EIF4E2: variants seen among roughly 807,000 people sequenced by gnomAD.
EIF4E2 encodes the protein eukaryotic translation initiation factor 4E family member 2.
Under a neutral mutation model 34.2 loss-of-function variants are expected in EIF4E2, and 13 were observed. The observed-to-expected ratio is 0.38, with a 90% CI of 0.25 to 0.60. EIF4E2 has a LOEUF of 0.60. EIF4E2 is among the 20% of genes least tolerant of loss of function. EIF4E2 has a pLI of 0.62. For missense variants in EIF4E2, 222 were observed against 315.1 expected (o/e 0.70, Z 2.24); for synonymous variants, 100 against 106.6 (o/e 0.94, Z 0.38).
chr2:232,580,415 C>G (rs1216146419), intron 6 of EIF4E2, among the ~76,000 whole-genome samples: 2 of 152,190 alleles, frequency 1.3e-5, no homozygotes. Context: ...CCTTCCACCT[C>G]CACTGCCCCA....
intron 6 of EIF4E2, among the ~76,000 whole-genome samples, chr2:232,576,256 A>G (rs1693216390): frequency 6.6e-6 from 1 of 152,134 alleles, no homozygotes; most frequent in African/African-American, 2.4e-5. Flanking sequence ...AGGTTTTGTC[A>G]TAGTTTAATG....
At chr2:232,558,126 T>G (rs1034892639) in intron 3 of EIF4E2, 108 bp downstream of exon 3, 2 of 1,446,614 alleles carry the variant, frequency 1.4e-6, no homozygotes, top group Non-Finnish European at 1.9e-6. Flanking sequence ...TCTGGTTTTC[T>G]TAATTGACTG....
Position 232,581,195 on chromosome 2 carries a change from G to T in EIF4E2, c.*252G>T, listed in dbSNP as rs1379351452. On this transcript the variant is annotated 3_prime_UTR_variant, in exon 7 of 7. Transcript: ENST00000409098. This position sits in a 1 kb window ranked among gnomAD's most constrained non-coding sequence, Gnocchi z 5.2. Reference sequence around the variant, plus strand: ...GTTTTTTAATGGGGTTCCATGGGGGGGCGTTCAGCCTTTCTGTTTGCTGTG... The same window carrying T: ...GTTTTTTAATGGGGTTCCATGGGGGTGCGTTCAGCCTTTCTGTTTGCTGTG... 3.3e-6 allele frequency: 2 copies of T among 606,358 alleles called. No homozygotes were observed. Among genetic ancestry groups the T allele is most frequent in the Admixed American group, 2.2e-5 (1 of 46,114 alleles). 37.6% of individuals were successfully genotyped at this position (606,358 alleles called of 1,614,324 possible). A position where few individuals can be genotyped will look rare whatever the true frequency, so the allele number is the denominator to read the frequency against.
At chr2:232,559,824 TAA>T (rs576233672) in intron 3 of EIF4E2, among the ~76,000 whole-genome samples, 151 of 115,420 alleles carry the variant, frequency 1.3e-3, no homozygotes, top group Non-Finnish European at 1.5e-3. Flanking sequence ...ACGGGAGCAT[TAA>T]AAAAAAAAAA....
chr2:232,557,042 C>T (rs967084254), intron 2 of EIF4E2, among the ~76,000 whole-genome samples: 6 of 152,150 alleles, frequency 3.9e-5, no homozygotes, highest in East Asian at 1.9e-4. Context: ...GTCAAGAGAT[C>T]GAGACCATCC....
At position 232,581,088 on chromosome 2, in the gene EIF4E2, G is replaced by C. The variant is rs1299773822; in HGVS notation, c.*145G>C. 4 of 826,528 alleles carry C rather than the reference G, an allele frequency of 4.8e-6. No individual in the cohort carries two copies. The highest frequency in any genetic ancestry group is 8.2e-6 in the Non-Finnish European group (4 of 486,280). 51.2% of individuals were successfully genotyped at this position (826,528 alleles called of 1,614,324 possible). On this transcript the variant is annotated 3_prime_UTR_variant, in exon 7 of 7. Transcript: ENST00000409098. The surrounding 1 kb of genome is among the most constrained non-coding windows in gnomAD (Gnocchi z 5.2). Reference sequence around the variant, plus strand: ...CCTTTTGCACTCATTCCTGGAGGACGGATTCCGCTAGACACCCTCCAGCAT... The same window carrying C: ...CCTTTTGCACTCATTCCTGGAGGACCGATTCCGCTAGACACCCTCCAGCAT...
intron 1 of EIF4E2, among the ~76,000 whole-genome samples, chr2:232,554,137 C>T (rs1473168278): frequency 6.6e-6 from 1 of 152,166 alleles, no homozygotes; most frequent in Non-Finnish European, 1.5e-5. Flanking sequence ...GGAACAAGTA[C>T]AAACATTTAT....
At position 232,550,730 on chromosome 2, in the gene EIF4E2, C is replaced by T. The variant is rs376291567; in HGVS notation, c.6C>T (p.Asn2=). 7 of 1,585,876 alleles carry T rather than the reference C, an allele frequency of 4.4e-6. No homozygotes were observed. In the South Asian group the frequency reaches 4.6e-5, roughly 10 times the overall value. Residue 2 remains asparagine, a synonymous_variant, in exon 1 of 7, where the codon AAC becomes AAT. Coordinates refer to ENST00000258416, the MANE Select transcript of EIF4E2 (RefSeq NM_004846.4). M[N]NKFDALKDDD... ...GCGACAGCGGCGGCGAGAGGATGAA[C>T]AACAAGTTCGACGCGTGAGTGGCTC...
chr2:232,578,647 A>G (rs1693275209), intron 6 of EIF4E2, among the ~76,000 whole-genome samples: 1 of 152,106 alleles, frequency 6.6e-6, no homozygotes. Context: ...TCTGAATGAG[A>G]AAGTGTTTTT....
chr2:232,554,317 G>A (rs76679479), intron 1 of EIF4E2, among the ~76,000 whole-genome samples: 1 of 152,198 alleles, frequency 6.6e-6, no homozygotes, highest in Admixed American at 6.5e-5. Context: ...AGGATAAAAT[G>A]GGGGCACCAA....
At position 232,566,265 on chromosome 2, in the gene EIF4E2, C is replaced by T. The variant is rs1051102535; in HGVS notation, c.376-564C>T. Reference sequence around the variant, plus strand: ...GCAGTGGCACGATCTCGGCTCCCTGCAAGCTCTGCCTCCCGAGTTCACGCC... The same window carrying T: ...GCAGTGGCACGATCTCGGCTCCCTGTAAGCTCTGCCTCCCGAGTTCACGCC... On this transcript the variant is annotated intron_variant, in intron 4 of 6. Coordinates refer to ENST00000258416, the MANE Select transcript of EIF4E2 (RefSeq NM_004846.4). This position sits in a 1 kb window ranked among gnomAD's most constrained non-coding sequence, Gnocchi z 4.9. Among the ~76,000 whole-genome samples, 1 of 152,132 alleles carries T rather than the reference C, an allele frequency of 6.6e-6. No homozygotes were observed. The highest frequency in any genetic ancestry group is 2.4e-5 in the African/African-American group (1 of 41,412).
Position 232,566,360 on chromosome 2 carries a change from T to G in EIF4E2, c.376-469T>G, listed in dbSNP as rs533326709. ...CACCACCATGCCCGGCTAATTTTGT[T>G]TTTGTATTTTTAGTAGAGACGCGGT... is the stretch of plus-strand genomic sequence containing the variant. On this transcript the variant is annotated intron_variant, in intron 4 of 6. Transcript: ENST00000258416. The surrounding 1 kb of genome is among the most constrained non-coding windows in gnomAD (Gnocchi z 4.9). Among the ~76,000 whole-genome samples the G allele has an allele frequency of 6.6e-6, 1 of 152,196 alleles. No homozygotes were observed. The highest frequency in any genetic ancestry group is 2.1e-4 in the South Asian group (1 of 4,814).
chr2:232,554,303 C>T (rs1215286754), intron 1 of EIF4E2, among the ~76,000 whole-genome samples: 1 of 152,152 alleles, frequency 6.6e-6, no homozygotes, highest in Non-Finnish European at 1.5e-5. Flanking sequence ...ATGAGCATAA[C>T]AGAAGGATAA....
In EIF4E2 at chr2:232,550,689, A is replaced by T; in HGVS notation, c.-36A>T. On this transcript the variant is annotated 5_prime_UTR_variant, in exon 1 of 7. Transcript: ENST00000258416. ...TGAGGGACCCGGTGGAGCGGAAGTC[A>T]CTCCCTGAGGCAGTGGCGACAGCGG... The T allele has an allele frequency of 6.3e-7, 1 of 1,580,758 alleles. No individual in the cohort carries two copies. The highest frequency in any genetic ancestry group is 1.7e-4 in the Middle Eastern group (1 of 6,006).
chr2:232,557,077 T>A (rs1414209388), intron 2 of EIF4E2, among the ~76,000 whole-genome samples: 2 of 152,104 alleles, frequency 1.3e-5, no homozygotes, highest in African/African-American at 4.8e-5. Flanking sequence ...AAACCCCATC[T>A]CTACTAAAAA....
chr2:232,579,921 C>G (rs191188474), intron 6 of EIF4E2, among the ~76,000 whole-genome samples: 1 of 152,072 alleles, frequency 6.6e-6, no homozygotes, highest in Non-Finnish European at 1.5e-5. Flanking sequence ...CCTTAAAGTC[C>G]CTGCCAGCCT....
chr2:232,557,605 G>T (rs1035516313), intron 2 of EIF4E2: 3 of 340,072 alleles, frequency 8.8e-6, no homozygotes, highest in Admixed American at 4.5e-5. Context: ...CTTGGACTGG[G>T]CATATGCTGA....
intron 3 of EIF4E2, among the ~76,000 whole-genome samples, chr2:232,559,556 C>T (rs1692647746): frequency 6.6e-6 from 1 of 152,074 alleles, no homozygotes; most frequent in East Asian, 1.9e-4. Context: ...TGTATAATTT[C>T]CTTCCAACAT....
chr2:232,559,598 C>T (rs1692649399), intron 3 of EIF4E2, among the ~76,000 whole-genome samples: 1 of 151,966 alleles, frequency 6.6e-6, no homozygotes, highest in African/African-American at 2.4e-5. Flanking sequence ...GTGATATTAT[C>T]CATGTTTTAC....
Sources: gnomAD v4.1 joint callset for allele counts (sites outside exome capture counted in the v4.1 genomes callset) on GRCh38, gnomAD v4.1.1 for gene constraint, Gnocchi (gnomAD v3.1) non-coding constraint, MANE v1.5 for transcripts, NCBI Gene and HGNC (gene_info 2026-07-23, HGNC 2026-07-21) for gene names.